Variants in AK4 observed in about 807,000 individuals in gnomAD.
AK4 encodes adenylate kinase 4, mitochondrial.
Under a neutral mutation model 24.6 loss-of-function variants are expected in AK4, and 13 were observed. The observed-to-expected ratio is 0.53, with a 90% CI of 0.34 to 0.84. AK4 has a LOEUF of 0.84. AK4 is among the 40% of genes least tolerant of loss of function. The probability of loss-of-function intolerance (pLI) is 0.01; values close to 1 mark genes in which losing one functional copy is unlikely to be tolerated. For missense variants in AK4, 192 were observed against 288.2 expected (o/e 0.67, Z 2.42); for synonymous variants, 88 against 107.0 (o/e 0.82, Z 1.10).
At chr1:65,169,859 T>C (rs1195114463) in intron 1 of AK4, among the ~76,000 whole-genome samples, 2 of 152,014 alleles carry the variant, frequency 1.3e-5, no homozygotes, top group African/African-American at 4.8e-5. Context: ...AAGTATTATT[T>C]TTTCTTGGTC....
At chr1:65,197,604 G>A (rs552780195) in intron 2 of AK4, among the ~76,000 whole-genome samples, 2 of 152,196 alleles carry the variant, frequency 1.3e-5, no homozygotes, top group Admixed American at 6.5e-5. Flanking sequence ...TTGAATGTGT[G>A]CAGTGTTTGT....
chr1:65,159,260 C>T (rs1650076005), intron 1 of AK4, among the ~76,000 whole-genome samples: 2 of 152,208 alleles, frequency 1.3e-5, no homozygotes, highest in Admixed American at 1.3e-4. Context: ...AGGCCCTGGA[C>T]TGACTAATGA....
At chr1:65,149,983 G>T (rs925247531) in intron 1 of AK4, among the ~76,000 whole-genome samples, 2 of 152,184 alleles carry the variant, frequency 1.3e-5, no homozygotes, top group Non-Finnish European at 2.9e-5. Context: ...CTTCATGGTA[G>T]GGGCATGGAG....
At chr1:65,188,150 T>A (rs1448448084) in intron 1 of AK4, among the ~76,000 whole-genome samples, 1 of 152,080 alleles carries the variant, frequency 6.6e-6, no homozygotes. Flanking sequence ...ATCCCAGCAC[T>A]TTGGGAGGCA....
At chr1:65,169,175 C>CA (rs577188503) in intron 1 of AK4, among the ~76,000 whole-genome samples, 9,683 of 64,110 alleles carry the variant, frequency 0.15, 444 homozygotes, top group Admixed American at 0.28. Context: ...GACGCTGTCT[C>CA]AAAAAAAAAA....
chr1:65,162,886 A>ACTTTT, intron 1 of AK4, among the ~76,000 whole-genome samples: 1 of 152,252 alleles, frequency 6.6e-6, no homozygotes, highest in East Asian at 1.9e-4. Flanking sequence ...GGATAGTTGT[A>ACTTTT]TGTTAATATA....
chr1:65,174,169 A>AC (rs1419025250), intron 1 of AK4, among the ~76,000 whole-genome samples: 5 of 151,568 alleles, frequency 3.3e-5, no homozygotes, highest in South Asian at 2.1e-4. Flanking sequence ...TTCACCCTCA[A>AC]CCCCCCAAAT....
chr1:65,175,715 G>T (rs1334428662), intron 1 of AK4, among the ~76,000 whole-genome samples: 1 of 152,186 alleles, frequency 6.6e-6, no homozygotes, highest in African/African-American at 2.4e-5. Context: ...GGCTGAAAGT[G>T]CCTGCTATGG....
At chr1:65,215,416 C>T (rs997528462) in intron 2 of AK4, among the ~76,000 whole-genome samples, 5 of 152,158 alleles carry the variant, frequency 3.3e-5, no homozygotes, top group African/African-American at 1.2e-4. Flanking sequence ...AGGTCATTCA[C>T]CCGCCTCGGC....
chr1:65,169,431 C>T (rs896038591), intron 1 of AK4, among the ~76,000 whole-genome samples: 2 of 151,888 alleles, frequency 1.3e-5, no homozygotes, highest in Admixed American at 6.6e-5. Context: ...CTCTGGATTT[C>T]GATCCTGATT....
chr1:65,163,729 C>T (rs563636993), intron 1 of AK4, among the ~76,000 whole-genome samples: 63 of 152,260 alleles, frequency 4.1e-4, no homozygotes, highest in Middle Eastern at 3.4e-3. Context: ...GCTGGCTGTA[C>T]GGGAGACTGG....
intron 1 of AK4, among the ~76,000 whole-genome samples, chr1:65,149,545 T>G (rs1380100648): frequency 6.6e-6 from 1 of 152,206 alleles, no homozygotes; most frequent in Admixed American, 6.5e-5. Flanking sequence ...TTACTGTCGA[T>G]GTACTTCTCA....
chr1:65,155,680 T>G (rs1029884328), intron 1 of AK4, among the ~76,000 whole-genome samples: 1 of 151,192 alleles, frequency 6.6e-6, no homozygotes, highest in South Asian at 2.1e-4. Context: ...TTGCTTTAGA[T>G]GGAGTCTAGC....
intron 1 of AK4, among the ~76,000 whole-genome samples, chr1:65,179,371 A>G (rs1249283926): frequency 6.6e-6 from 1 of 152,150 alleles, no homozygotes; most frequent in Non-Finnish European, 1.5e-5. Flanking sequence ...AAGAAAATGG[A>G]CTGGGGCCAA....
intron 2 of AK4, among the ~76,000 whole-genome samples, chr1:65,205,802 C>G (rs1412543852): frequency 1.3e-5 from 2 of 152,076 alleles, no homozygotes; most frequent in Non-Finnish European, 2.9e-5. Flanking sequence ...TGTCTTTATA[C>G]TTTAAATTTT....
At chr1:65,152,352 C>CTATATATA (rs1649807794) in intron 1 of AK4, among the ~76,000 whole-genome samples, 1 of 42,824 alleles carries the variant, frequency 2.3e-5, no homozygotes, top group African/African-American at 1.1e-4. Context: ...CTCTCTCTCT[C>CTATATATA]TCTCTCTCTA....
At chr1:65,179,277 T>C (rs1650820807) in intron 1 of AK4, among the ~76,000 whole-genome samples, 1 of 152,200 alleles carries the variant, frequency 6.6e-6, no homozygotes, top group Non-Finnish European at 1.5e-5. Flanking sequence ...TAGTGTCATA[T>C]TTCAGCAGCA....
intron 2 of AK4, among the ~76,000 whole-genome samples, chr1:65,197,596 G>C (rs1277176351): frequency 3.3e-5 from 5 of 152,180 alleles, no homozygotes; most frequent in Non-Finnish European, 7.3e-5. Flanking sequence ...AGAGTTGTTT[G>C]AATGTGTGCA....
rs1650650752 is a variant in AK4, at chr1:65,174,618, G to C, written c.146-16092G>C. On this transcript the variant is annotated intron_variant, in intron 1 of 4. Transcript: ENST00000327299. ...CCTTGAGGTGTTCTCAGTTCACAAG[G>C]GGAAAGGGGAAAGGGACAGATGGTT... Among the ~76,000 whole-genome samples, 4 of 152,176 alleles carry C rather than the reference G, an allele frequency of 2.6e-5. No individual in the cohort carries two copies. In the South Asian group the frequency reaches 8.3e-4, roughly 31 times the overall value.
Sources: allele counts gnomAD v4.1 joint callset (sites outside exome capture counted in the v4.1 genomes callset), GRCh38; gene constraint gnomAD v4.1.1; transcripts MANE v1.5; gene names NCBI Gene and HGNC (gene_info 2026-07-23, HGNC 2026-07-21).